EDIL3: variants seen among roughly 807,000 people sequenced by gnomAD.
The protein encoded by EDIL3 is EGF-like repeat and discoidin I-like domain-containing protein 3.
In EDIL3, 37 loss-of-function variants were observed where a neutral mutation model predicts 67.4. The observed-to-expected ratio is 0.55, with a 90% confidence interval of 0.42 to 0.72. EDIL3 has a LOEUF of 0.72. Ranked by LOEUF, EDIL3 falls within the 30% of genes least tolerant of loss-of-function variation. The pLI is 0.00. For synonymous variants in EDIL3, 195 were observed against 196.3 expected, an observed-to-expected ratio of 0.99 and a Z score of 0.05; for missense variants, 527 against 586.3, an observed-to-expected ratio of 0.90 and a Z score of 1.04.
In EDIL3 at chr5:83,942,972, C is replaced by T; in HGVS notation, c.*447G>A. 5.7e-6 allele frequency: 1 copy of T among 174,284 alleles called. No individual in the cohort carries two copies. The highest frequency in any genetic ancestry group is 1.2e-5 in the Non-Finnish European group (1 of 80,884). The allele number at this position is 174,284 out of a possible 1,614,324, so 10.8% of individuals were successfully genotyped here. On this transcript the variant is annotated 3_prime_UTR_variant, in exon 11 of 11. Transcript: ENST00000296591. The stretch of plus-strand genomic sequence containing the variant: ...ACAGGGAAACAGGATAACGTAGAGT[C>T]ATTACAGAAGAAAAAAACTTATTGC...
rs141784377 is a variant in EDIL3 at position 83,969,518 on chromosome 5, T to G, written c.1138-6158A>C. Among the ~76,000 whole-genome samples, 3 of 152,028 alleles carry G rather than the reference T, an allele frequency of 2.0e-5. No individual in the cohort carries two copies. The East Asian group carries it at 5.8e-4, about 29-fold the overall frequency. On this transcript the variant is annotated intron_variant, in intron 9 of 10. Coordinates refer to ENST00000296591, the MANE Select transcript of EDIL3 (RefSeq NM_005711.5). ...AAATTTTTAACCAATCCCTTGTTGA[T>G]GTTCATTTAATTTGTTTCCAATTCT...
chr5:84,128,879 G>A (rs1451080252), intron 5 of EDIL3, among the ~76,000 whole-genome samples: 1 of 151,932 alleles, frequency 6.6e-6, no homozygotes, highest in African/African-American at 2.4e-5. Flanking sequence ...GCACATAAGG[G>A]GAATGTTGAA....
Position 84,211,616 on chromosome 5 carries a change from G to A in EDIL3, c.226+18239C>T, listed in dbSNP as rs938803485. 2.0e-5 allele frequency among the ~76,000 whole-genome samples: 3 copies of A among 152,244 alleles called. No individual in the cohort carries two copies. The East Asian group carries it at 5.8e-4, about 29-fold the overall frequency. ...AAAGCGGAGCAGGTGATGTGAAGAC[G>A]GAGGCAGAAATTGCAGTGAAGTGGT... On this transcript the variant is annotated intron_variant, in intron 3 of 10. Coordinates refer to ENST00000296591, the MANE Select transcript of EDIL3 (RefSeq NM_005711.5).
intron 3 of EDIL3, among the ~76,000 whole-genome samples, chr5:84,224,383 TTA>T (rs1324048727): frequency 6.6e-6 from 1 of 151,590 alleles, no homozygotes; most frequent in Admixed American, 6.6e-5. Context: ...TTGCTACACC[TTA>T]TAGTTAAATT....
intron 3 of EDIL3, among the ~76,000 whole-genome samples, chr5:84,201,492 T>C (rs1177735767): frequency 6.6e-6 from 1 of 152,100 alleles, no homozygotes; most frequent in Non-Finnish European, 1.5e-5. Flanking sequence ...AGAGACTTCA[T>C]CTGTTTTTCT....
At chr5:84,264,320 A>G (rs750528400) in intron 1 of EDIL3, among the ~76,000 whole-genome samples, 49 of 152,332 alleles carry the variant, frequency 3.2e-4, no homozygotes, top group Non-Finnish European at 5.6e-4. Flanking sequence ...CGAATGTGAT[A>G]GGACCAGAAG....
At chr5:84,378,166 C>A (rs1748005915) in intron 1 of EDIL3, among the ~76,000 whole-genome samples, 1 of 152,162 alleles carries the variant, frequency 6.6e-6, no homozygotes, top group Non-Finnish European at 1.5e-5. Context: ...TAAATAAGTA[C>A]ATTGTTCAGA....
At chr5:84,132,556 TATATATTTTTA>T in intron 5 of EDIL3, among the ~76,000 whole-genome samples, 1 of 96,450 alleles carries the variant, frequency 1.0e-5, no homozygotes, top group African/African-American at 4.1e-5. Context: ...ATATATATTT[TATATATTTTTA>T]ATATATAATA....
chr5:84,211,885 T>C (rs1177845658), intron 3 of EDIL3, among the ~76,000 whole-genome samples: 2 of 152,180 alleles, frequency 1.3e-5, no homozygotes, highest in African/African-American at 2.4e-5. Context: ...TAGAGGATGA[T>C]ATAAATCAGG....
At chr5:84,279,939 G>T (rs1055016115) in intron 1 of EDIL3, among the ~76,000 whole-genome samples, 13 of 152,112 alleles carry the variant, frequency 8.5e-5, no homozygotes, top group Non-Finnish European at 1.6e-4. Context: ...GCTATTTAAT[G>T]TACCACTGCT....
At chr5:84,152,372 C>T (rs557297920) in intron 4 of EDIL3, among the ~76,000 whole-genome samples, 2 of 152,064 alleles carry the variant, frequency 1.3e-5, no homozygotes, top group African/African-American at 4.8e-5. Flanking sequence ...AAAAAGGAAG[C>T]CTTCAAGACA....
At chr5:84,194,791 AGAAATCATGCCTACT>A (rs1273245139) in intron 3 of EDIL3, among the ~76,000 whole-genome samples, 1 of 151,972 alleles carries the variant, frequency 6.6e-6, no homozygotes, top group Non-Finnish European at 1.5e-5. Context: ...TTCCTATAAA[AGAAATCATGCCTACT>A]GACAATTTTG....
chr5:84,314,308 A>G (rs1485673055), intron 1 of EDIL3, among the ~76,000 whole-genome samples: 2 of 152,234 alleles, frequency 1.3e-5, no homozygotes, highest in East Asian at 3.8e-4. Flanking sequence ...TAGGAACAGC[A>G]TGTAGTAACT....
intron 2 of EDIL3, among the ~76,000 whole-genome samples, chr5:84,234,272 G>A (rs1413287186): frequency 6.6e-6 from 1 of 152,108 alleles, no homozygotes; most frequent in South Asian, 2.1e-4. Context: ...TAAGTTAGTC[G>A]CTCTTTTGCA....
intron 9 of EDIL3, among the ~76,000 whole-genome samples, chr5:83,993,367 C>G (rs1745184035): frequency 6.6e-6 from 1 of 152,166 alleles, no homozygotes; most frequent in Non-Finnish European, 1.5e-5. Flanking sequence ...TTATAAAAGG[C>G]ATGCTCCCTT....
chr5:84,200,773 C>G lies in EDIL3; in HGVS notation c.227-20252G>C, dbSNP rs575182142. ...ACAGACATGACTACTATGTAGACAT[C>G]GATAGTAAGTAAACACTTTCTTTGG... On this transcript the variant is annotated intron_variant, in intron 3 of 10. Transcript: ENST00000296591. 1.3e-4 allele frequency among the ~76,000 whole-genome samples: 19 copies of G among 151,938 alleles called. 1 individual carries two copies. In the East Asian group the frequency reaches 3.5e-3, roughly 28 times the overall value.
At chr5:84,382,711 T>A (rs1408042046) in intron 1 of EDIL3, among the ~76,000 whole-genome samples, 1 of 152,136 alleles carries the variant, frequency 6.6e-6, no homozygotes, top group African/African-American at 2.4e-5. Context: ...ACTCTCTTTT[T>A]TATATCGCTG....
intron 9 of EDIL3, among the ~76,000 whole-genome samples, chr5:83,999,642 G>C (rs959078020): frequency 6.6e-6 from 1 of 151,994 alleles, no homozygotes; most frequent in African/African-American, 2.4e-5. Context: ...ATACTTAAAA[G>C]ATCTAGAAAA....
chr5:84,182,918 G>A (rs1044958551), intron 3 of EDIL3, among the ~76,000 whole-genome samples: 1 of 152,002 alleles, frequency 6.6e-6, no homozygotes, highest in Admixed American at 6.6e-5. Context: ...ACCTGCCTTC[G>A]AGGTGGTACA....
Sources: allele counts gnomAD v4.1 joint callset (sites outside exome capture counted in the v4.1 genomes callset), GRCh38; gene constraint gnomAD v4.1.1; transcripts MANE v1.5; gene names NCBI Gene and HGNC (gene_info 2026-07-23, HGNC 2026-07-21).